The following LRBA variants were observed in gnomAD, a reference collection of about 807,000 sequenced individuals.
LRBA encodes the protein lipopolysaccharide-responsive and beige-like anchor protein.
In LRBA, 176 loss-of-function variants were observed where a neutral mutation model predicts 330.0. That is an observed-to-expected ratio of 0.53 (90% CI 0.47 to 0.60). The LOEUF (loss-of-function observed/expected upper bound fraction) is 0.60, where lower values mean the gene tolerates loss of function less well. Among genes scored for constraint, LRBA ranks in the 20% least tolerant of loss-of-function variants. The pLI is 0.00. For synonymous variants in LRBA, 1,230 were observed against 1,193.0 expected, an observed-to-expected ratio of 1.03 and a Z score of -0.64; for missense variants, 3,259 against 3,444.8, an observed-to-expected ratio of 0.95 and a Z score of 1.35.
intron 46 of LRBA, among the ~76,000 whole-genome samples, chr4:150,427,070 T>C (rs1357968167): frequency 6.6e-6 from 1 of 151,884 alleles, no homozygotes; most frequent in Non-Finnish European, 1.5e-5. Flanking sequence ...GCAAATAAAA[T>C]TTCTGGAATA....
chr4:150,528,783 G>A (rs920236818), intron 40 of LRBA, among the ~76,000 whole-genome samples: 1 of 152,002 alleles, frequency 6.6e-6, no homozygotes, highest in African/African-American at 2.4e-5. Context: ...AACAAAATAA[G>A]AAACAGACAA....
intron 48 of LRBA, among the ~76,000 whole-genome samples, chr4:150,334,220 A>G (rs1347790251): frequency 6.6e-6 from 1 of 152,254 alleles, no homozygotes; most frequent in East Asian, 1.9e-4. Context: ...AAGCATAAAC[A>G]TAAGAGATAA....
intron 48 of LRBA, among the ~76,000 whole-genome samples, chr4:150,348,539 T>C (rs1197008286): frequency 2.0e-5 from 3 of 152,202 alleles, no homozygotes; most frequent in Admixed American, 2.0e-4. Context: ...AACCAATTTA[T>C]GCTGGTACAA....
At chr4:150,636,655 G>A (rs745790144) in intron 37 of LRBA, among the ~76,000 whole-genome samples, 5 of 152,164 alleles carry the variant, frequency 3.3e-5, no homozygotes, top group Middle Eastern at 3.4e-3. Flanking sequence ...AGCTGGGCAC[G>A]ATGGCTCATG....
intron 17 of LRBA, among the ~76,000 whole-genome samples, chr4:150,885,558 T>C (rs1433923360): frequency 1.3e-5 from 2 of 151,564 alleles, no homozygotes; most frequent in Non-Finnish European, 1.5e-5. Context: ...GAGACAGAGG[T>C]TGTAGTGAGC....
intron 37 of LRBA, among the ~76,000 whole-genome samples, chr4:150,640,649 C>T (rs115821039): frequency 0.017 from 2,610 of 152,210 alleles, 81 homozygotes; most frequent in African/African-American, 0.058. Context: ...ATCTCCTGCT[C>T]ACCATAATTT....
chr4:150,742,458 T>C (rs1732140755), intron 35 of LRBA, among the ~76,000 whole-genome samples: 1 of 152,122 alleles, frequency 6.6e-6, no homozygotes, highest in South Asian at 2.1e-4. Flanking sequence ...AGGATTATTT[T>C]TTTAAATTTA....
intron 37 of LRBA, among the ~76,000 whole-genome samples, chr4:150,608,405 G>A (rs891205725): frequency 6.6e-6 from 1 of 152,138 alleles, no homozygotes. Context: ...AAAAGAAACA[G>A]GGAAGTAACA....
intron 28 of LRBA, among the ~76,000 whole-genome samples, chr4:150,835,575 T>C (rs1242376641): frequency 2.0e-5 from 3 of 152,178 alleles, no homozygotes; most frequent in African/African-American, 7.2e-5. Flanking sequence ...CAATTGTGAA[T>C]GGGAGTTCAC....
chr4:150,281,314 T>C (rs1747486454), intron 55 of LRBA, among the ~76,000 whole-genome samples: 1 of 152,098 alleles, frequency 6.6e-6, no homozygotes, highest in African/African-American at 2.4e-5. Context: ...TGTGTCTCTG[T>C]GCGTGCCTCG....
At chr4:150,617,512 G>T (rs1775877670) in intron 37 of LRBA, among the ~76,000 whole-genome samples, 1 of 152,034 alleles carries the variant, frequency 6.6e-6, no homozygotes, top group African/African-American at 2.4e-5. Context: ...CATGGTGGCA[G>T]GCGCCTGTAA....
intron 26 of LRBA, among the ~76,000 whole-genome samples, chr4:150,848,201 G>T (rs1750115319): frequency 6.6e-6 from 1 of 152,062 alleles, no homozygotes; most frequent in Admixed American, 6.6e-5. Context: ...TTTTAGTAAA[G>T]ACGGGGTTTC....
intron 2 of LRBA, among the ~76,000 whole-genome samples, chr4:150,956,072 C>T (rs1175330945): frequency 6.7e-6 from 1 of 148,700 alleles, no homozygotes; most frequent in East Asian, 1.9e-4. Flanking sequence ...AAAATCAATA[C>T]AACCTGGCTT....
chr4:150,278,136 G>C (rs1357668037), intron 55 of LRBA, 132 bp from the exon 56 acceptor site: 2 of 710,662 alleles, frequency 2.8e-6, no homozygotes, highest in East Asian at 5.7e-5. Flanking sequence ...GGAGTTTTTA[G>C]AAAATCGTGA....
chr4:150,636,158 C>CTTTTT (rs70941419), intron 37 of LRBA, among the ~76,000 whole-genome samples: 1 of 113,022 alleles, frequency 8.8e-6, no homozygotes, highest in African/African-American at 3.3e-5. Flanking sequence ...ACCTACCAAG[C>CTTTTT]TTTTTTTTTT....
At chr4:150,418,504 T>C (rs1175231214) in intron 46 of LRBA, among the ~76,000 whole-genome samples, 1 of 152,210 alleles carries the variant, frequency 6.6e-6, no homozygotes, top group Non-Finnish European at 1.5e-5. Flanking sequence ...GGGAAGAAGG[T>C]AATAACCATC....
intron 37 of LRBA, among the ~76,000 whole-genome samples, chr4:150,659,753 C>T (rs1432175737): frequency 7.5e-5 from 1 of 13,304 alleles, no homozygotes; most frequent in African/African-American, 1.1e-4. Flanking sequence ...CCCGGCCAGC[C>T]GCCCCGTCCG....
chr4:150,996,474 G>A (rs1407228382), intron 2 of LRBA, among the ~76,000 whole-genome samples: 1 of 152,100 alleles, frequency 6.6e-6, no homozygotes. Context: ...AAATATTAAA[G>A]AGTTGGTCAT....
In LRBA at chr4:150,928,914, C is replaced by T. The variant is rs753108434; in HGVS notation, c.368G>A (p.Arg123Gln). The T allele has an allele frequency of 4.3e-6, 7 of 1,613,946 alleles. No individual in the cohort carries two copies. The highest frequency in any genetic ancestry group is 2.2e-5 in the South Asian group (2 of 91,064). ...MFTAILKKSI[R>Q]NLQVCTEVGL... ...TACTTCAGTGCAGACTTGAAGATTCCGTATGCTTTTCTTCAGAATGGCTGT... is the reference window on the plus strand; with the variant it reads ...TACTTCAGTGCAGACTTGAAGATTCTGTATGCTTTTCTTCAGAATGGCTGT... Residue 123 changes from arginine to glutamine, a missense_variant, in exon 3 of 57, where the codon CGG (arginine) becomes CAG (glutamine). Coordinates refer to ENST00000651943, the MANE Select transcript of LRBA (RefSeq NM_001364905.1).
Sources: gnomAD v4.1 joint callset for allele counts (sites outside exome capture counted in the v4.1 genomes callset) on GRCh38, gnomAD v4.1.1 for gene constraint, MANE v1.5 for transcripts, NCBI Gene and HGNC (gene_info 2026-07-23, HGNC 2026-07-21) for gene names.